Variants in MYRIP observed in about 807,000 individuals in gnomAD.
MYRIP encodes rab effector MyRIP.
A neutral mutation model predicts 98.0 loss-of-function variants in MYRIP; 49 were observed. The ratio of observed to expected loss-of-function variants is 0.50; its 90% CI spans 0.40 to 0.63. The LOEUF (loss-of-function observed/expected upper bound fraction) is 0.63, where lower values mean the gene tolerates loss of function less well. Ranked by LOEUF, MYRIP falls within the 30% of genes least tolerant of loss-of-function variation. The pLI, the probability that MYRIP is intolerant of heterozygous loss-of-function variation, is 0.00. For missense variants in MYRIP, 1,004 were observed against 1,058.2 expected, an observed-to-expected ratio of 0.95 and a Z score of 0.71; for synonymous variants, 404 against 409.5, an observed-to-expected ratio of 0.99 and a Z score of 0.16.
chr3:39,942,947 C>T (rs969987434), intron 2 of MYRIP, among the ~76,000 whole-genome samples: 1 of 152,174 alleles, frequency 6.6e-6, no homozygotes, highest in African/African-American at 2.4e-5. Flanking sequence ...TTTCACTTAA[C>T]ATAATGACCT....
intron 16 of MYRIP, 149 bp downstream of exon 16, chr3:40,252,148 G>A: frequency 1.5e-6 from 1 of 646,892 alleles, no homozygotes. Flanking sequence ...TGACTGGGGG[G>A]TGGACTTAGC....
chr3:39,821,449 CATT>C (rs1941100141), intron 1 of MYRIP, among the ~76,000 whole-genome samples: 1 of 152,040 alleles, frequency 6.6e-6, no homozygotes, highest in Admixed American at 6.6e-5. Context: ...TCTATCCTAT[CATT>C]GTTTCTATTT....
At chr3:40,067,145 A>C (rs4676566) in intron 3 of MYRIP, among the ~76,000 whole-genome samples, 44,003 of 152,124 alleles carry the variant, frequency 0.29, 6,437 homozygotes, top group East Asian at 0.36. Flanking sequence ...GTCAGAGATT[A>C]TTAAAGTTGA....
At chr3:40,109,150 T>TTTAA (rs1356702738) in intron 3 of MYRIP, among the ~76,000 whole-genome samples, 5 of 152,244 alleles carry the variant, frequency 3.3e-5, no homozygotes, top group African/African-American at 1.2e-4. Flanking sequence ...CTTTAAGTTC[T>TTTAA]AGGGTACATG....
At chr3:40,017,091 A>T (rs569137641) in intron 2 of MYRIP, among the ~76,000 whole-genome samples, 1 of 152,368 alleles carries the variant, frequency 6.6e-6, no homozygotes, top group Non-Finnish European at 1.5e-5. Context: ...ATTTAAAGCC[A>T]CTTAACAAAA....
intron 2 of MYRIP, among the ~76,000 whole-genome samples, chr3:39,940,516 GT>G (rs761735231): frequency 2.0e-5 from 3 of 152,056 alleles, no homozygotes; most frequent in African/African-American, 4.8e-5. Flanking sequence ...ATGAGAGTAT[GT>G]TCTTAGCTCT....
intron 4 of MYRIP, among the ~76,000 whole-genome samples, chr3:40,155,917 A>C (rs1313339870): frequency 6.6e-6 from 1 of 151,654 alleles, no homozygotes; most frequent in African/African-American, 2.4e-5. Flanking sequence ...AGTAGGTTGC[A>C]AAAATTTTCT....
intron 2 of MYRIP, among the ~76,000 whole-genome samples, chr3:39,910,079 T>C (rs1168226868): frequency 6.6e-6 from 1 of 152,028 alleles, no homozygotes; most frequent in African/African-American, 2.4e-5. Flanking sequence ...TTAGGAGAGA[T>C]GGGATTTCAT....
At chr3:40,230,363 C>A (rs1357964814) in intron 11 of MYRIP, among the ~76,000 whole-genome samples, 2 of 152,204 alleles carry the variant, frequency 1.3e-5, no homozygotes, top group African/African-American at 2.4e-5. Flanking sequence ...CTGTCAGCCA[C>A]CTCTGAATCT....
intron 8 of MYRIP, among the ~76,000 whole-genome samples, chr3:40,181,598 A>G (rs889483564): frequency 4.6e-5 from 7 of 152,136 alleles, no homozygotes; most frequent in African/African-American, 1.7e-4. Flanking sequence ...GCAAAGAAAA[A>G]CTTTAGTCTC....
At chr3:39,991,617 C>G (rs568961207) in intron 2 of MYRIP, among the ~76,000 whole-genome samples, 11 of 152,300 alleles carry the variant, frequency 7.2e-5, no homozygotes, top group Non-Finnish European at 1.2e-4. Context: ...CTTCTCTCTC[C>G]ATAACCTTTG....
At chr3:40,242,511 AAGG>A in intron 12 of MYRIP, 1 of 149,974 alleles carries the variant, frequency 6.7e-6, no homozygotes, top group African/African-American at 2.5e-5. Flanking sequence ...AAAAAAAAAA[AAGG>A]AAGATTAGTG....
At chr3:39,922,331 A>G (rs1944324265) in intron 2 of MYRIP, among the ~76,000 whole-genome samples, 1 of 152,214 alleles carries the variant, frequency 6.6e-6, no homozygotes, top group Admixed American at 6.5e-5. Context: ...CGACACAGAA[A>G]AAAATCTGTG....
chr3:39,890,206 C>T (rs1943448410), intron 1 of MYRIP, among the ~76,000 whole-genome samples: 2 of 151,866 alleles, frequency 1.3e-5, no homozygotes, highest in South Asian at 4.1e-4. Flanking sequence ...CTCCTTTCCT[C>T]TTGTCTCTTC....
At chr3:40,176,340 G>T (rs187688851) in intron 8 of MYRIP, among the ~76,000 whole-genome samples, 5 of 152,330 alleles carry the variant, frequency 3.3e-5, no homozygotes, top group Admixed American at 6.5e-5. Flanking sequence ...GTGCCTAGTG[G>T]TGACTATGTT....
At chr3:39,884,748 T>G (rs73829703) in intron 1 of MYRIP, among the ~76,000 whole-genome samples, 3,093 of 152,126 alleles carry the variant, frequency 0.02, 98 homozygotes, top group African/African-American at 0.069. Flanking sequence ...AAATAATTTT[T>G]CTTCCTTTTT....
intron 3 of MYRIP, among the ~76,000 whole-genome samples, chr3:40,064,359 G>A (rs9311232): frequency 0.29 from 42,454 of 148,666 alleles, 6,015 homozygotes; most frequent in East Asian, 0.36. Context: ...TTTGGAGGGA[G>A]AAAAAAAAAC....
intron 2 of MYRIP, among the ~76,000 whole-genome samples, chr3:39,951,440 G>A (rs1483994441): frequency 6.6e-6 from 1 of 151,774 alleles, no homozygotes; most frequent in Non-Finnish European, 1.5e-5. Context: ...CTTTAAACAG[G>A]GGTTTGAACA....
intron 1 of MYRIP, among the ~76,000 whole-genome samples, chr3:39,863,731 T>C (rs1942536487): frequency 6.6e-6 from 1 of 151,980 alleles, no homozygotes; most frequent in South Asian, 2.1e-4. Flanking sequence ...TTCGACCTGA[T>C]GTAAAACGAA....
Sources: gnomAD v4.1 joint callset for allele counts (sites outside exome capture counted in the v4.1 genomes callset) on GRCh38, gnomAD v4.1.1 for gene constraint, MANE v1.5 for transcripts, NCBI Gene and HGNC (gene_info 2026-07-23, HGNC 2026-07-21) for gene names.